PKD1L1: variants seen among roughly 807,000 people sequenced by gnomAD.
The protein encoded by PKD1L1 is polycystin 1 like 1, transient receptor potential channel interacting.
A neutral mutation model predicts 323.4 loss-of-function variants in PKD1L1; 236 were observed. The ratio of observed to expected loss-of-function variants is 0.73; its 90% confidence interval spans 0.66 to 0.81. The LOEUF is 0.81. Among genes scored for constraint, PKD1L1 ranks in the 40% least tolerant of loss-of-function variants. The pLI, the probability that PKD1L1 is intolerant of heterozygous loss-of-function variation, is 0.00. For missense variants in PKD1L1, 3,320 were observed against 3,508.0 expected (o/e 0.95, Z 1.35); for synonymous variants, 1,344 against 1,335.0 (o/e 1.01, Z -0.15).
intron 1 of PKD1L1, among the ~76,000 whole-genome samples, chr7:47,947,437 T>C (rs1192309621): frequency 6.6e-6 from 1 of 152,140 alleles, no homozygotes; most frequent in African/African-American, 2.4e-5. Context: ...CTGGGCAAGA[T>C]CTGCAGGCAC....
At chr7:47,940,089 A>T in intron 3 of PKD1L1, 104 bp downstream of exon 3, 1 of 1,457,522 alleles carries the variant, frequency 6.9e-7, no homozygotes. Flanking sequence ...ATAGGAAAAC[A>T]ATCCCTGATG....
In PKD1L1 at chr7:47,885,877, G is replaced by C; in HGVS notation, c.3014C>G (p.Pro1005Arg). 6.2e-7 allele frequency: 1 copy of C among 1,614,182 alleles called. No individual in the cohort carries two copies. The highest frequency in any genetic ancestry group is 1.7e-5 in the Admixed American group (1 of 60,028). ...CATGGGCTCTGTGGGGGTTCCCCTT[G>C]GAGCTGAAGTGGCAGGTTGGCCAAG... ...VTLGQPATSA[P>R]RGTPTEPMTG... Residue 1005 changes from proline to arginine, a missense_variant, in exon 18 of 57, where the codon CCA becomes CGA. By Grantham distance (103) the Pro-to-Arg change is moderately radical (BLOSUM62 -2). Transcript: ENST00000289672.
At position 47,854,951 on chromosome 7, in the gene PKD1L1, T is replaced by G; in HGVS notation, c.4790A>C (p.Glu1597Ala). ...AAATTCAATTTCTATCTGTAGAGAT[T>G]CCTGGGGGTTTTCGGAAAGCTCAGT... is the stretch of plus-strand genomic sequence containing the variant. ...QFTELSENPQESLQIEIEFSK... is the reference protein window; with the variant it reads ...QFTELSENPQASLQIEIEFSK... The change falls in exon 30 of 57, where the codon GAA becomes GCA. Residue 1597 changes from glutamate (E) to alanine (A), a missense_variant. Transcript: ENST00000289672. 1.9e-6 allele frequency: 3 copies of G among 1,614,112 alleles called. No homozygotes were observed. Among genetic ancestry groups the G allele is most frequent in the Non-Finnish European group, 2.5e-6 (3 of 1,180,010 alleles).
At position 47,947,866 on chromosome 7, in the gene PKD1L1, C is replaced by G. The variant is rs538246956; in HGVS notation, c.44+531G>C. Among the ~76,000 whole-genome samples, 13 of 152,134 alleles carry G rather than the reference C, an allele frequency of 8.5e-5. No individual in the cohort carries two copies. The East Asian group carries it at 2.3e-3, about 27-fold the overall frequency. Reference sequence around the variant, plus strand: ...CCTGTGGTCCCAGCTACTTGGGAGGCTGAGGCAGGATAAATGGCATGAACC... The same window carrying G: ...CCTGTGGTCCCAGCTACTTGGGAGGGTGAGGCAGGATAAATGGCATGAACC... On this transcript the variant is annotated intron_variant, in intron 1 of 56. Transcript: ENST00000289672.
In PKD1L1 at chr7:47,821,147, C is replaced by T. The variant is rs776685623; in HGVS notation, c.6894G>A (p.Leu2298=). ...SMDILMLLLL[L]CVIYGRFSQD... ...GGGAAAATCTCCCATATATTACACA[C>T]AAAAGCAGAAGCAGCATGAGGATGT... Residue 2298 remains leucine, a synonymous_variant, in exon 46 of 57, where the codon TTG becomes TTA. Transcript: ENST00000289672. 3.7e-6 allele frequency: 6 copies of T among 1,610,522 alleles called. No homozygotes were observed.
intron 24 of PKD1L1, among the ~76,000 whole-genome samples, chr7:47,872,467 G>A (rs575939840): frequency 1.3e-5 from 2 of 152,068 alleles, no homozygotes; most frequent in Non-Finnish European, 2.9e-5. Context: ...ATAGAATTGA[G>A]AATCAAGAAA....
In PKD1L1 at chr7:47,940,437, G is replaced by A. The variant is rs1012731291; in HGVS notation, c.161-120C>T. The A allele has an allele frequency of 1.4e-5, 14 of 968,194 alleles. No homozygotes were observed. The Admixed American group carries it at 3.5e-4, about 24-fold the overall frequency. The allele number at this position is 968,194 out of a possible 1,614,324, so 60.0% of individuals were successfully genotyped here. The stretch of plus-strand genomic sequence containing the variant: ...TCAAAGCCACCTGGGCCTAACAACG[G>A]GCTGATCATGAAGATGCGTGTCCTT... On this transcript the variant is annotated intron_variant, in intron 2 of 56. Coordinates refer to ENST00000289672, the MANE Select transcript of PKD1L1 (RefSeq NM_138295.5).
At chr7:47,863,401 G>A (rs1165259102) in intron 26 of PKD1L1, among the ~76,000 whole-genome samples, 1 of 152,024 alleles carries the variant, frequency 6.6e-6, no homozygotes, top group Non-Finnish European at 1.5e-5. Context: ...TGGATGTAAA[G>A]TGGAAGGAGT....
the PKD1L1 span, among the ~76,000 whole-genome samples, chr7:47,958,852 C>T: frequency 3.3e-5 from 5 of 152,178 alleles, no homozygotes; most frequent in African/African-American, 1.2e-4. Context: ...TCTCTTTCCA[C>T]GGTCTCCCAC....
intron 6 of PKD1L1, among the ~76,000 whole-genome samples, chr7:47,929,995 G>A (rs1787734241): frequency 2.0e-5 from 3 of 152,220 alleles, no homozygotes; most frequent in Admixed American, 2.0e-4. Flanking sequence ...TCCTTGTGCT[G>A]CAAATTGGTT....
At chr7:47,804,441 A>G (rs1396648101) in intron 52 of PKD1L1, among the ~76,000 whole-genome samples, 1 of 151,824 alleles carries the variant, frequency 6.6e-6, no homozygotes, top group African/African-American at 2.4e-5. Context: ...AACCAACATA[A>G]AAATTATTGA....
chr7:47,880,144 A>G (rs1786506978), intron 21 of PKD1L1, among the ~76,000 whole-genome samples: 1 of 137,804 alleles, frequency 7.3e-6, no homozygotes, highest in South Asian at 2.3e-4. Context: ...AAAACAAGCA[A>G]TAACACCTTT....
intron 45 of PKD1L1, among the ~76,000 whole-genome samples, chr7:47,821,874 A>G (rs1785149798): frequency 6.6e-6 from 1 of 151,922 alleles, no homozygotes. Context: ...TTTTTAGTAG[A>G]GATGAGGTTT....
rs773698549 is a variant in PKD1L1, at chr7:47,890,652, C to A, written c.2565G>T (p.Trp855Cys). ...AAPTVSFEAQ[W>C]LSDSYDQFLV... ...GGAACTGATCATAGCTGTCACTGAG[C>A]CATTGTGCCTCAAAGGAAACAGTGG... The change falls in exon 16 of 57, where the codon TGG becomes TGT. Residue 855 changes from tryptophan to cysteine, a missense_variant. Coordinates refer to ENST00000289672, the MANE Select transcript of PKD1L1 (RefSeq NM_138295.5). 7.4e-6 allele frequency: 12 copies of A among 1,614,008 alleles called. No homozygotes were observed. Among genetic ancestry groups the A allele is most frequent in the Non-Finnish European group, 1.0e-5 (12 of 1,180,032 alleles).
chr7:47,784,834 T>A (rs1199915806), intron 56 of PKD1L1, among the ~76,000 whole-genome samples: 1 of 152,214 alleles, frequency 6.6e-6, no homozygotes, highest in East Asian at 1.9e-4. Context: ...ATAAGAAAGT[T>A]ACAAGAGTAA....
Position 47,884,618 on chromosome 7 carries a change from G to A in PKD1L1, c.3245C>T (p.Pro1082Leu). 1 of 1,613,876 alleles carries A rather than the reference G, an allele frequency of 6.2e-7. No individual in the cohort carries two copies. Among genetic ancestry groups the A allele is most frequent in the Non-Finnish European group, 8.5e-7 (1 of 1,179,824 alleles). The change falls in exon 19 of 57, where the codon CCA becomes CTA. Residue 1082 changes from proline to leucine, a missense_variant. By Grantham distance (98) the Pro-to-Leu change is moderately conservative. Coordinates refer to ENST00000289672, the MANE Select transcript of PKD1L1 (RefSeq NM_138295.5). The stretch of plus-strand genomic sequence containing the variant: ...GTCACCTGGCTGTCTTCCTCCCGAT[G>A]GTATTGCTTCTTGAATGTCACTGTA... The part of the protein sequence containing the change: ...AYYSDIQEAI[P>L]SGGRQPAKDT...
intron 31 of PKD1L1, among the ~76,000 whole-genome samples, chr7:47,850,618 G>A (rs1490702335): frequency 9.6e-6 from 1 of 104,056 alleles, no homozygotes; most frequent in African/African-American, 4.1e-5. Flanking sequence ...GGCAACAAGA[G>A]CAAGACTCTG....
Position 47,803,210 on chromosome 7 carries a change from C to G in PKD1L1, c.7962G>C (p.Gly2654=), listed in dbSNP as rs1220110364. The part of the protein sequence containing the change: ...RHSLPSIFVA[G]LVGALMLAAL... Reference sequence around the variant, plus strand: ...ACCTGATAAAGGGGAGAGTTCTTACCCCTGCTACAAAGATGCTGGGGAGTG... The same window carrying G: ...ACCTGATAAAGGGGAGAGTTCTTACGCCTGCTACAAAGATGCTGGGGAGTG... Residue 2654 remains glycine, a splice_region_variant and synonymous_variant, in exon 53 of 57, where the codon GGG becomes GGC. Transcript: ENST00000289672. 6.2e-7 allele frequency: 1 copy of G among 1,614,012 alleles called. No individual in the cohort carries two copies. Among genetic ancestry groups the G allele is most frequent in the Non-Finnish European group, 8.5e-7 (1 of 1,179,978 alleles).
In PKD1L1 at chr7:47,808,394, C is replaced by T; in HGVS notation, c.7687-7G>A. Reference sequence around the variant, plus strand: ...TCACTCCAACCACGGAGAGCTGGAACATCCAAGAGAAAGGCCCTCAGATGG... The same window carrying T: ...TCACTCCAACCACGGAGAGCTGGAATATCCAAGAGAAAGGCCCTCAGATGG... On this transcript the variant is annotated splice_region_variant and splice_polypyrimidine_tract_variant and intron_variant, in intron 51 of 56. Transcript: ENST00000289672. 3 of 1,613,864 alleles carry T rather than the reference C, an allele frequency of 1.9e-6. No individual in the cohort carries two copies. Among genetic ancestry groups the T allele is most frequent in the Middle Eastern group, 3.4e-4 (2 of 5,910 alleles).
Sources: allele counts gnomAD v4.1 joint callset (sites outside exome capture counted in the v4.1 genomes callset), GRCh38; gene constraint gnomAD v4.1.1; transcripts MANE v1.5; gene names NCBI Gene and HGNC (gene_info 2026-07-23, HGNC 2026-07-21).